ALOXE3: variants seen among roughly 807,000 people sequenced by gnomAD.
ALOXE3 encodes hydroperoxide isomerase ALOXE3.
Under a neutral mutation model 87.5 loss-of-function variants are expected in ALOXE3, and 78 were observed. The observed-to-expected ratio is 0.89, with a 90% confidence interval of 0.74 to 1.08. The LOEUF (loss-of-function observed/expected upper bound fraction) is 1.08. Ranked by LOEUF, ALOXE3 falls within the 50% of genes least tolerant of loss-of-function variation. ALOXE3 has a pLI of 0.00. For missense variants in ALOXE3, 946 were observed against 912.4 expected (o/e 1.04, Z -0.47); for synonymous variants, 363 against 370.8 (o/e 0.98, Z 0.24).
chr17:8,107,569 G>A (rs1979413534), intron 13 of ALOXE3, among the ~76,000 whole-genome samples: 1 of 151,890 alleles, frequency 6.6e-6, no homozygotes, highest in Non-Finnish European at 1.5e-5. Flanking sequence ...GGAGGCTGAG[G>A]CGGGCGGATC....
rs531458967 is a variant in ALOXE3 at position 8,117,141 on chromosome 17, G to A, written c.148-161C>T. Among the ~76,000 whole-genome samples, 5 of 152,372 alleles carry A rather than the reference G, an allele frequency of 3.3e-5. No homozygotes were observed. In the South Asian group the frequency reaches 6.2e-4, roughly 19 times the overall value. On this transcript the variant is annotated intron_variant, in intron 2 of 15. Transcript: ENST00000448843. ...TGTATGAATTAGAAAAAGCTTCCCCGGGCCGGGAGAGGTGGCTCACGCCTG... is the reference window on the plus strand; with the variant it reads ...TGTATGAATTAGAAAAAGCTTCCCCAGGCCGGGAGAGGTGGCTCACGCCTG...
At position 8,109,849 on chromosome 17, in the gene ALOXE3, T is replaced by C. The variant is rs983640363; in HGVS notation, c.1392+67A>G. ...AGGGGCTTGGGCGCAGAACAGGGCT[T>C]GGGGGCGGGTAGCGGGGCAAAGCGT... On this transcript the variant is annotated intron_variant, in intron 11 of 15. Transcript: ENST00000448843. The C allele has an allele frequency of 2.7e-5, 40 of 1,465,446 alleles. No individual in the cohort carries two copies. In the African/African-American group the frequency reaches 4.8e-4, roughly 17 times the overall value. The allele number at this position is 1,465,446 out of a possible 1,614,324, so 90.8% of individuals were successfully genotyped here.
In ALOXE3 at chr17:8,116,823, T is replaced by G; in HGVS notation, c.305A>C (p.Tyr102Ser). The G allele has an allele frequency of 6.2e-7, 1 of 1,614,206 alleles. No individual in the cohort carries two copies. Among genetic ancestry groups the G allele is most frequent in the Non-Finnish European group, 8.5e-7 (1 of 1,180,018 alleles). The change falls in exon 3 of 16, where the codon TAT becomes TCT. Residue 102 changes from tyrosine to serine, a missense_variant. Transcript: ENST00000448843. ...GGTGCAGTAGCCTTCAATCCACTGA[T>G]AGCAGGGGAAGTGGGATACACTACC... ...PDGSVSHFPC[Y>S]QWIEGYCTVE...
chr17:8,097,374 G>A (rs1236267322), intron 15 of ALOXE3, among the ~76,000 whole-genome samples: 2 of 151,986 alleles, frequency 1.3e-5, no homozygotes, highest in Admixed American at 6.6e-5. Context: ...TCATACAACC[G>A]AGATCAAAGT....
chr17:8,096,616 T>G lies in ALOXE3; in HGVS notation c.*11A>C. 2.1e-5 allele frequency: 25 copies of G among 1,166,864 alleles called. No individual in the cohort carries two copies. The highest frequency in any genetic ancestry group is 3.1e-5 in the Non-Finnish European group (24 of 771,796). 72.3% of individuals were successfully genotyped at this position (1,166,864 alleles called of 1,614,324 possible). ...GACCTTTCTTTCTTCTTGGGTGGTA[T>G]TTGGGGGTGGTTAGATGGAGACGCT... is the stretch of plus-strand genomic sequence containing the variant. On this transcript the variant is annotated 3_prime_UTR_variant, in exon 16 of 16. Transcript: ENST00000448843.
intron 13 of ALOXE3, among the ~76,000 whole-genome samples, chr17:8,107,935 AAG>A (rs1491348192): frequency 1.8e-4 from 1 of 5,456 alleles, no homozygotes; most frequent in Non-Finnish European, 5.7e-4. Context: ...GAAAGAAAGA[AAG>A]AAAGAAAGAA....
In ALOXE3 at chr17:8,101,274, C is replaced by T. The variant is rs561021977; in HGVS notation, c.1956+2049G>A. 2.0e-5 allele frequency among the ~76,000 whole-genome samples: 3 copies of T among 152,236 alleles called. No homozygotes were observed. The South Asian group carries it at 6.2e-4, about 32-fold the overall frequency. ...AACTCCTGACCTCAGGTGATCCACC[C>T]ACCTCGGCCTCCCAATGTGCTGGGA... is the stretch of plus-strand genomic sequence containing the variant. On this transcript the variant is annotated intron_variant, in intron 15 of 15. Transcript: ENST00000448843.
intron 15 of ALOXE3, among the ~76,000 whole-genome samples, chr17:8,099,583 C>T (rs1385704817): frequency 2.0e-5 from 3 of 151,932 alleles, no homozygotes; most frequent in South Asian, 4.1e-4. Context: ...ATTGCTTGAA[C>T]CCGGGAGGCA....
Position 8,115,700 on chromosome 17 carries a change from G to A in ALOXE3, c.353-12C>T. 6.2e-7 allele frequency: 1 copy of A among 1,607,952 alleles called. No individual in the cohort carries two copies. The highest frequency in any genetic ancestry group is 8.5e-7 in the Non-Finnish European group (1 of 1,174,304). On this transcript the variant is annotated splice_polypyrimidine_tract_variant and intron_variant, in intron 3 of 15. Coordinates refer to ENST00000448843, the MANE Select transcript of ALOXE3 (RefSeq NM_021628.3). ...ACAAATAGTTCTTGCTGTGGGGAAT[G>A]AAAATTACTCTTGGTATAAGTCTCT...
At chr17:8,103,240 C>A in intron 15 of ALOXE3, 83 bp downstream of exon 15, 1 of 1,525,566 alleles carries the variant, frequency 6.6e-7, no homozygotes, top group Non-Finnish European at 9.1e-7. Flanking sequence ...GTCGATCAGT[C>A]CTCAAGCCCC....
chr17:8,106,973 A>G (rs959935424), intron 13 of ALOXE3, among the ~76,000 whole-genome samples: 1 of 152,236 alleles, frequency 6.6e-6, no homozygotes, highest in Non-Finnish European at 1.5e-5. Context: ...ATATGAATCT[A>G]CAATAGGTTT....
intron 14 of ALOXE3, 118 bp downstream of exon 14, chr17:8,103,997 C>A: frequency 1.1e-6 from 1 of 873,066 alleles, no homozygotes; most frequent in Non-Finnish European, 1.8e-6. Flanking sequence ...CCACTCCAAC[C>A]CCAAGTCTAA....
Position 8,104,174 on chromosome 17 carries a change from A to T in ALOXE3, c.1726T>A (p.Phe576Ile). ...CAATTGAAGATGATTGCAGTGAGGA[A>T]CTTCACCATCTCTCCTGGGGTGCAC... ...RLCTPGEMVK[F>I]LTAIIFNCSA... The change falls in exon 14 of 16, where the codon TTC becomes ATC. Residue 576 changes from phenylalanine (F) to isoleucine (I), a missense_variant. Physicochemically the swap from Phe to Ile is conservative, Grantham distance 21. Coordinates refer to ENST00000448843, the MANE Select transcript of ALOXE3 (RefSeq NM_021628.3). 1 of 1,614,000 alleles carries T rather than the reference A, an allele frequency of 6.2e-7. No individual in the cohort carries two copies. The highest frequency in any genetic ancestry group is 8.5e-7 in the Non-Finnish European group (1 of 1,179,980).
In ALOXE3 at chr17:8,109,975, G is replaced by C; in HGVS notation, c.1333C>G (p.Leu445Val). Reference sequence around the variant, plus strand: ...GCCCTCGCGATGGTGTTCACCTGCAGCGTGTATCGAGTGTGGGGGAGTAGG... The same window carrying C: ...GCCCTCGCGATGGTGTTCACCTGCACCGTGTATCGAGTGTGGGGGAGTAGG... ...KLLLPHTRYT[L>V]QVNTIARATL... Residue 445 changes from leucine to valine, a missense_variant, in exon 11 of 16, where the codon CTG (leucine) becomes GTG (valine). Transcript: ENST00000448843. 1 of 1,552,296 alleles carries C rather than the reference G, an allele frequency of 6.4e-7. No individual in the cohort carries two copies. The highest frequency in any genetic ancestry group is 1.2e-5 in the South Asian group (1 of 84,202).
chr17:8,113,983 G>T (rs1343796859), intron 6 of ALOXE3, among the ~76,000 whole-genome samples: 6 of 149,334 alleles, frequency 4.0e-5, no homozygotes, highest in Admixed American at 4.0e-4. Context: ...CGAGATCGCG[G>T]CACTGCACTC....
In ALOXE3 at chr17:8,108,033, A is replaced by G. The variant is rs1460500401; in HGVS notation, c.1684+435T>C. 2.1e-5 allele frequency among the ~76,000 whole-genome samples: 3 copies of G among 139,868 alleles called. 1 individual carries two copies. The highest frequency in any genetic ancestry group is 7.8e-5 in the African/African-American group (3 of 38,268). 91.8% of individuals were successfully genotyped at this position (139,868 alleles called of 152,430 possible). A position where few individuals can be genotyped will look rare whatever the true frequency, so the allele number is the denominator to read the frequency against. ...AAAGAAAGAAAGAAAGAAAGAAAGA[A>G]AGAAAGAAAGAAAGAAAGAAAGAAA... On this transcript the variant is annotated intron_variant, in intron 13 of 15. Coordinates refer to ENST00000448843, the MANE Select transcript of ALOXE3 (RefSeq NM_021628.3).
intron 15 of ALOXE3, among the ~76,000 whole-genome samples, chr17:8,097,721 A>G (rs1369099461): frequency 6.6e-6 from 1 of 150,780 alleles, no homozygotes; most frequent in East Asian, 1.9e-4. Context: ...TAGAACCTTC[A>G]TATAATTGTT....
rs1389641041 is a variant in ALOXE3, at chr17:8,117,835, T to G, written c.147+9A>C. ...TGAGGTCGCGCTTCCCTGTCTCCTTTGTACTCACCGATCCAGGGGCGAAGT... is the reference window on the plus strand; with the variant it reads ...TGAGGTCGCGCTTCCCTGTCTCCTTGGTACTCACCGATCCAGGGGCGAAGT... On this transcript the variant is annotated intron_variant, in intron 2 of 15. Transcript: ENST00000448843. The G allele has an allele frequency of 1.9e-6, 3 of 1,609,716 alleles. No individual in the cohort carries two copies. In the Admixed American group the frequency reaches 5.0e-5, roughly 27 times the overall value.
intron 15 of ALOXE3, among the ~76,000 whole-genome samples, chr17:8,099,209 C>A (rs7215046): frequency 0.024 from 3,637 of 151,958 alleles, 136 homozygotes; most frequent in African/African-American, 0.082. Context: ...TGTACATGAA[C>A]CATCGCAACC....
Sources: gnomAD v4.1 joint callset for allele counts (sites outside exome capture counted in the v4.1 genomes callset) on GRCh38, gnomAD v4.1.1 for gene constraint, MANE v1.5 for transcripts, NCBI Gene and HGNC (gene_info 2026-07-23, HGNC 2026-07-21) for gene names.